Variants in SF3B1 observed in about 807,000 individuals in gnomAD.
SF3B1 encodes the protein splicing factor 3b subunit 1, also known as pre-mRNA processing 10.
A neutral mutation model predicts 153.8 loss-of-function variants in SF3B1; 12 were observed. The observed-to-expected ratio is 0.08, with a 90% CI of 0.05 to 0.13. SF3B1 has a LOEUF of 0.13. Ranked by LOEUF, SF3B1 falls within the 10% of genes least tolerant of loss-of-function variation. The probability of loss-of-function intolerance (pLI) is 1.00; values close to 1 mark genes in which losing one functional copy is unlikely to be tolerated. For synonymous variants in SF3B1, 498 were observed against 525.2 expected (o/e 0.95, Z 0.71); for missense variants, 513 against 1,606.1 (o/e 0.32, Z 11.63).
chr2:197,407,526 A>C (rs1261076438), intron 9 of SF3B1, among the ~76,000 whole-genome samples: 2 of 151,496 alleles, frequency 1.3e-5, no homozygotes, highest in African/African-American at 4.9e-5. Context: ...AATCGCTTAA[A>C]CCTGGGAGGC....
chr2:197,431,104 C>CTTTTTTTTT (rs558644461), intron 1 of SF3B1, among the ~76,000 whole-genome samples: 1 of 73,656 alleles, frequency 1.4e-5, no homozygotes, highest in Non-Finnish European at 2.4e-5. Flanking sequence ...GCCTTTTCTT[C>CTTTTTTTTT]TTTTTTTTTT....
intron 1 of SF3B1, among the ~76,000 whole-genome samples, chr2:197,434,267 G>T (rs1039592644): frequency 2.6e-5 from 4 of 151,910 alleles, no homozygotes; most frequent in African/African-American, 9.7e-5. Flanking sequence ...TATTCCCAAC[G>T]TTTTCCTAAT....
chr2:197,422,912 T>C (rs1181269597), intron 2 of SF3B1, among the ~76,000 whole-genome samples: 1 of 151,980 alleles, frequency 6.6e-6, no homozygotes, highest in Non-Finnish European at 1.5e-5. Flanking sequence ...ATAATCTATA[T>C]ACATAAAATA....
Position 197,421,167 on chromosome 2 carries a change from A to G in SF3B1, c.196-34T>C, listed in dbSNP as rs756729662. 2.2e-6 allele frequency: 3 copies of G among 1,351,184 alleles called. No homozygotes were observed. In the Admixed American group the frequency reaches 5.3e-5, roughly 24 times the overall value. 83.7% of individuals were successfully genotyped at this position (1,351,184 alleles called of 1,614,324 possible). A position where few individuals can be genotyped will look rare whatever the true frequency, so the allele number is the denominator to read the frequency against. On this transcript the variant is annotated intron_variant, in intron 2 of 24. Coordinates refer to ENST00000335508, the MANE Select transcript of SF3B1 (RefSeq NM_012433.4). ...AAAACCCCCCAAAAAGCCATAAACA[A>G]AATGTTAGAACTTAAAAATTAGAAA...
chr2:197,400,374 G>C lies in SF3B1; in HGVS notation c.2779C>G (p.Pro927Ala), dbSNP rs771261336. ...VVNALGKRVK[P>A]YLPQICGTVL... is the part of the protein sequence containing the mutation. ...GTACCACAGATCTGAGGCAAGTATG[G>C]TTTGACTCGTTTGCCAAGAGCATTA... Residue 927 changes from proline to alanine, a missense_variant, in exon 19 of 25, where the codon CCA becomes GCA. By Grantham distance (27) the Pro-to-Ala change is conservative. Transcript: ENST00000335508. This position sits in a 1 kb window ranked among gnomAD's most constrained non-coding sequence, Gnocchi z 5.0. 1 of 1,613,826 alleles carries C rather than the reference G, an allele frequency of 6.2e-7. No homozygotes were observed. Among genetic ancestry groups the C allele is most frequent in the Non-Finnish European group, 8.5e-7 (1 of 1,179,880 alleles).
At chr2:197,425,706 CT>C (rs1161543792) in intron 1 of SF3B1, among the ~76,000 whole-genome samples, 1 of 152,012 alleles carries the variant, frequency 6.6e-6, no homozygotes, top group African/African-American at 2.4e-5. Context: ...AGGAGCACGT[CT>C]CACAAACTGG....
intron 4 of SF3B1, chr2:197,419,087 C>G (rs2085199767): frequency 1.6e-6 from 1 of 631,592 alleles, no homozygotes; most frequent in African/African-American, 1.9e-5. Context: ...TGTTCTAAAA[C>G]AATTGTAGTT....
At chr2:197,407,504 C>T (rs2085009523) in intron 9 of SF3B1, among the ~76,000 whole-genome samples, 1 of 151,466 alleles carries the variant, frequency 6.6e-6, no homozygotes, top group African/African-American at 2.4e-5. Context: ...ACCTGGGAAA[C>T]TCAGGCAAGA....
rs1312540300 is a variant in SF3B1 at position 197,402,425 on chromosome 2, A to G, written c.2077+131T>C. On this transcript the variant is annotated intron_variant, in intron 14 of 24. Transcript: ENST00000335508. The surrounding 1 kb of genome is among the most constrained non-coding windows in gnomAD (Gnocchi z 4.6). The stretch of plus-strand genomic sequence containing the variant: ...ATGGACAGGCTGTGTGTGTACCTCT[A>G]GTCCCAACTACTAAGGAGGCTGAGC... 24 of 790,556 alleles carry G rather than the reference A, an allele frequency of 3.0e-5. No individual in the cohort carries two copies. The highest frequency in any genetic ancestry group is 4.7e-5 in the Non-Finnish European group (24 of 506,900). 49.0% of individuals were successfully genotyped at this position (790,556 alleles called of 1,614,324 possible). A position where few individuals can be genotyped will look rare whatever the true frequency, so the allele number is the denominator to read the frequency against.
intron 9 of SF3B1, among the ~76,000 whole-genome samples, chr2:197,406,345 T>C (rs2084992960): frequency 6.6e-6 from 1 of 152,090 alleles, no homozygotes; most frequent in South Asian, 2.1e-4. Context: ...GTTTTGTCTA[T>C]TAAAGATTAA....
At chr2:197,414,796 G>C (rs1233896199) in intron 6 of SF3B1, among the ~76,000 whole-genome samples, 1 of 152,152 alleles carries the variant, frequency 6.6e-6, no homozygotes, top group Admixed American at 6.5e-5. Context: ...CTTAAGCCCA[G>C]GAGTTTGAGA....
intron 22 of SF3B1, 149 bp downstream of exon 22, chr2:197,397,836 T>G (rs2084894503): frequency 2.0e-6 from 1 of 492,084 alleles, no homozygotes; most frequent in African/African-American, 2.0e-5. Flanking sequence ...ATTCCAATAA[T>G]CAGAAGGTCA....
At position 197,401,675 on chromosome 2, in the gene SF3B1, A is replaced by G; in HGVS notation, c.2370+67T>C. On this transcript the variant is annotated intron_variant, in intron 16 of 24. Transcript: ENST00000335508. The surrounding 1 kb of genome is among the most constrained non-coding windows in gnomAD (Gnocchi z 4.2). Reference sequence around the variant, plus strand: ...CAGTTTTTTTTGTTGATTTTTAAAAACACTTTAAAATTCTGTTAGAACCAT... The same window carrying G: ...CAGTTTTTTTTGTTGATTTTTAAAAGCACTTTAAAATTCTGTTAGAACCAT... 6.6e-7 allele frequency: 1 copy of G among 1,521,806 alleles called. No individual in the cohort carries two copies. The highest frequency in any genetic ancestry group is 2.1e-5 in the Admixed American group (1 of 47,184). The allele number at this position is 1,521,806 out of a possible 1,614,324, so 94.3% of individuals were successfully genotyped here. A position where few individuals can be genotyped will look rare whatever the true frequency, so the allele number is the denominator to read the frequency against.
At chr2:197,405,537 TTGCAC>T in intron 9 of SF3B1, 65 bp from the exon 10 acceptor site, 1 of 1,134,074 alleles carries the variant, frequency 8.8e-7, no homozygotes, top group Non-Finnish European at 1.3e-6. Flanking sequence ...TGAACAATAT[TTGCAC>T]TTAAAATATT....
At chr2:197,409,508 G>A (rs1161630576) in intron 7 of SF3B1, among the ~76,000 whole-genome samples, 1 of 152,132 alleles carries the variant, frequency 6.6e-6, no homozygotes, top group Non-Finnish European at 1.5e-5. Context: ...GCTACAGTGA[G>A]CAAGACCCTA....
At position 197,398,170 on chromosome 2, in the gene SF3B1, G is replaced by A. The variant is rs138334357; in HGVS notation, c.3135-54C>T. ...TTGTGACATTAAGAAAAGTTTTAAG[G>A]ATAAATTTGCAAATTCAGTTCTAAA... On this transcript the variant is annotated intron_variant, in intron 21 of 24. Transcript: ENST00000335508. 32 of 1,445,500 alleles carry A rather than the reference G, an allele frequency of 2.2e-5. No individual in the cohort carries two copies. In the East Asian group the frequency reaches 6.8e-4, roughly 31 times the overall value. 89.5% of individuals were successfully genotyped at this position (1,445,500 alleles called of 1,614,324 possible).
At chr2:197,399,532 G>C (rs1437224565) in intron 20 of SF3B1, among the ~76,000 whole-genome samples, 1 of 152,162 alleles carries the variant, frequency 6.6e-6, no homozygotes, top group Non-Finnish European at 1.5e-5. Flanking sequence ...TTACGGGTTA[G>C]AAAACTGAAT....
Position 197,408,569 on chromosome 2 carries a change from T to C in SF3B1, c.917A>G (p.His306Arg), listed in dbSNP as rs1466232133. 6.2e-7 allele frequency: 1 copy of C among 1,610,506 alleles called. No individual in the cohort carries two copies. The highest frequency in any genetic ancestry group is 1.7e-5 in the Admixed American group (1 of 60,008). Residue 306 changes from histidine (H) to arginine (R), a missense_variant, in exon 8 of 25, where the codon CAT (histidine) becomes CGT (arginine). By Grantham distance (29) the His-to-Arg change is conservative. This residue lies in a region of SF3B1 where 91 missense variants were observed against 157.4 expected (regional missense o/e 0.58). Coordinates refer to ENST00000335508, the MANE Select transcript of SF3B1 (RefSeq NM_012433.4). ...AGGAGTCTCAGCCCATCCACTTCCA[T>C]GCCCAGGAGTATCTTTAAAAAGAAA... ...TPKTERDTPG[H>R]GSGWAETPRT...
chr2:197,426,277 AC>A (rs145923835), intron 1 of SF3B1, among the ~76,000 whole-genome samples: 3,423 of 150,704 alleles, frequency 0.023, 119 homozygotes, highest in African/African-American at 0.08. Flanking sequence ...CCCCACTCCC[AC>A]CCCCTTCGGG....
Sources: gnomAD v4.1 joint callset for allele counts (sites outside exome capture counted in the v4.1 genomes callset) on GRCh38, gnomAD v4.1.1 for gene constraint, gnomAD v4.1.1 regional missense constraint, Gnocchi (gnomAD v3.1) non-coding constraint, MANE v1.5 for transcripts, NCBI Gene and HGNC (gene_info 2026-07-23, HGNC 2026-07-21) for gene names.